DGAT2: variants seen among roughly 807,000 people sequenced by gnomAD.
The protein encoded by DGAT2 is acyl-CoA retinol O-fatty-acyltransferase.
DGAT2 carries 33 observed loss-of-function variants against 48.4 expected under a neutral mutation model. The ratio of observed to expected loss-of-function variants is 0.68; its 90% CI spans 0.52 to 0.91. DGAT2 has a LOEUF of 0.91. Ranked by LOEUF, DGAT2 falls within the 40% of genes least tolerant of loss-of-function variation. DGAT2 has a pLI of 0.00. For synonymous variants in DGAT2, 191 were observed against 194.1 expected, an observed-to-expected ratio of 0.98 and a Z score of 0.13; for missense variants, 446 against 493.7, an observed-to-expected ratio of 0.90 and a Z score of 0.92.
Position 75,800,494 on chromosome 11 carries a change from C to G in DGAT2, c.1153C>G (p.Leu385Val), listed in dbSNP as rs762743938. 7.3e-5 allele frequency: 118 copies of G among 1,613,964 alleles called. No homozygotes were observed. Among genetic ancestry groups the G allele is most frequent in the Non-Finnish European group, 9.6e-5 (113 of 1,179,992 alleles). ...GTTCGGCCTCCCGGAGACTGAGGTC[C>G]TGGAGGTGAACTGAGCCAGCCTTCG... ...TKFGLPETEV[L>V]EVN is the part of the protein sequence containing the mutation. Residue 385 changes from leucine to valine, a missense_variant, in exon 8 of 8, where the codon CTG becomes GTG. Leu to Val is a conservative substitution (Grantham distance 32). Transcript: ENST00000228027.
chr11:75,776,952 T>C (rs982186569), intron 1 of DGAT2: 52 of 152,348 alleles, frequency 3.4e-4, no homozygotes, highest in Admixed American at 3.4e-3. Flanking sequence ...CTCCTCATAA[T>C]ATACAACCTG....
At chr11:75,775,101 C>T (rs1408081590) in intron 1 of DGAT2, among the ~76,000 whole-genome samples, 8 of 152,210 alleles carry the variant, frequency 5.3e-5, no homozygotes, top group Admixed American at 2.0e-4. Flanking sequence ...TATTCCCTTT[C>T]GGGAGATCTT....
chr11:75,772,019 G>A (rs1268216692), intron 1 of DGAT2, among the ~76,000 whole-genome samples: 6 of 152,172 alleles, frequency 3.9e-5, no homozygotes, highest in African/African-American at 1.2e-4. Context: ...TCAAAGCCAG[G>A]CTAGAACTCA....
intron 1 of DGAT2, among the ~76,000 whole-genome samples, chr11:75,769,331 A>G (rs1231530559): frequency 1.3e-5 from 2 of 151,862 alleles, no homozygotes. Context: ...GTTATTAGGG[A>G]TATTCGAGAA....
At chr11:75,793,284 G>A (rs1945011400) in intron 4 of DGAT2, 1 of 152,242 alleles carries the variant, frequency 6.6e-6, no homozygotes, top group Admixed American at 6.5e-5. Context: ...AGTGTGACAT[G>A]AAAACAGATC....
chr11:75,795,145 C>T (rs1945036826), intron 4 of DGAT2: 1 of 152,056 alleles, frequency 6.6e-6, no homozygotes, highest in Admixed American at 6.6e-5. Flanking sequence ...CCACCTCAGC[C>T]TCCTGAGTAG....
At position 75,800,418 on chromosome 11, in the gene DGAT2, C is replaced by CA; in HGVS notation, c.1078dup (p.Thr360AsnfsTer24). On this transcript the variant is annotated frameshift_variant, in exon 8 of 8. Transcript: ENST00000228027. LOFTEE classifies it high-confidence loss of function. ...CCCAGCAAGACATCGACCTGTACCACACCATGTACATGGAGGCCCTGGTGA... is the reference window on the plus strand; with the variant it reads ...CCCAGCAAGACATCGACCTGTACCACAACCATGTACATGGAGGCCCTGGTGA... The CA allele has an allele frequency of 6.2e-7, 1 of 1,614,190 alleles. No individual in the cohort carries two copies. The highest frequency in any genetic ancestry group is 1.1e-5 in the South Asian group (1 of 91,080).
rs945517206 is a variant in DGAT2 at position 75,790,209 on chromosome 11, T to C, written c.272T>C (p.Leu91Pro). The C allele has an allele frequency of 6.2e-7, 1 of 1,613,694 alleles. No individual in the cohort carries two copies. Among genetic ancestry groups the C allele is most frequent in the African/African-American group, 1.3e-5 (1 of 74,916 alleles). Residue 91 changes from leucine to proline, a missense_variant, in exon 3 of 8, where the codon CTC (leucine) becomes CCC (proline). Physicochemically the swap from Leu to Pro is moderately conservative, Grantham distance 98. Transcript: ENST00000228027. ...CCAGGAGTGGCCTGCAGTGCCATCC[T>C]CATGTACATATTCTGCACTGATTGC... ...LVLGVACSAI[L>P]MYIFCTDCWL...
At position 75,797,340 on chromosome 11, in the gene DGAT2, C is replaced by T. The variant is rs1263417246; in HGVS notation, c.809+8C>T. On this transcript the variant is annotated splice_region_variant and intron_variant, in intron 6 of 7. Coordinates refer to ENST00000228027, the MANE Select transcript of DGAT2 (RefSeq NM_032564.5). ...ACTGGCCCTGCGTCATGGGTGAGTGCCTCCCTACACACACACACACCCCTC... is the reference window on the plus strand; with the variant it reads ...ACTGGCCCTGCGTCATGGGTGAGTGTCTCCCTACACACACACACACCCCTC... The T allele has an allele frequency of 2.0e-6, 3 of 1,467,786 alleles. No homozygotes were observed. Among genetic ancestry groups the T allele is most frequent in the African/African-American group, 1.4e-5 (1 of 69,496 alleles). The allele number at this position is 1,467,786 out of a possible 1,614,324, so 90.9% of individuals were successfully genotyped here.
In DGAT2 at chr11:75,784,659, TCTGTCAC is replaced by T. The variant is rs778402137; in HGVS notation, c.167_173del (p.Val56GlyfsTer88). ...CCTCTCCGCCCTCCAGGACCTCTTC[TCTGTCAC>T]CTGGCTCAATAGGTCCAAGGTGGAA... On this transcript the variant is annotated frameshift_variant, in exon 2 of 8. Coordinates refer to ENST00000228027, the MANE Select transcript of DGAT2 (RefSeq NM_032564.5). LOFTEE classifies it high-confidence loss of function. The T allele has an allele frequency of 6.2e-7, 1 of 1,614,098 alleles. No individual in the cohort carries two copies. Among genetic ancestry groups the T allele is most frequent in the Non-Finnish European group, 8.5e-7 (1 of 1,179,968 alleles).
chr11:75,786,433 ACCCCAAAGCTACCACTATCC>A (rs1033142567), intron 2 of DGAT2, among the ~76,000 whole-genome samples: 4 of 151,964 alleles, frequency 2.6e-5, no homozygotes, highest in Admixed American at 6.6e-5. Context: ...TCCCTGTTGC[ACCCCAAAGCTACCACTATCC>A]CTGTCTTAAT....
chr11:75,790,241 A>G lies in DGAT2; in HGVS notation c.304A>G (p.Ile102Val). ...MYIFCTDCWL[I>V]AVLYFTWLVF... ...CATATTCTGCACTGATTGCTGGCTC[A>G]TCGCTGTGCTCTACTTCACTTGGCT... The change falls in exon 3 of 8, where the codon ATC (isoleucine) becomes GTC (valine). Residue 102 changes from isoleucine (I) to valine (V), a missense_variant. Transcript: ENST00000228027. 6.2e-7 allele frequency: 1 copy of G among 1,614,182 alleles called. No individual in the cohort carries two copies. Among genetic ancestry groups the G allele is most frequent in the Non-Finnish European group, 8.5e-7 (1 of 1,180,040 alleles).
chr11:75,787,873 G>C (rs1250003736), intron 2 of DGAT2, among the ~76,000 whole-genome samples: 1 of 152,162 alleles, frequency 6.6e-6, no homozygotes, highest in Non-Finnish European at 1.5e-5. Context: ...GAGGGCTGTG[G>C]ACACATAGGG....
At chr11:75,791,658 C>T (rs1478382107) in intron 4 of DGAT2, among the ~76,000 whole-genome samples, 1 of 152,206 alleles carries the variant, frequency 6.6e-6, no homozygotes, top group African/African-American at 2.4e-5. Context: ...CTGCCTGTTT[C>T]TCTGGGAGAG....
Position 75,798,445 on chromosome 11 carries a change from G to A in DGAT2, c.1012+16G>A. On this transcript the variant is annotated intron_variant, in intron 7 of 7. Coordinates refer to ENST00000228027, the MANE Select transcript of DGAT2 (RefSeq NM_032564.5). ...ACCACTGTTGGTAAGCCCCTAGCCT[G>A]CAGACCAAGGGCTGTCCTGAACACA... The A allele has an allele frequency of 1.2e-6, 2 of 1,610,610 alleles. No individual in the cohort carries two copies. The highest frequency in any genetic ancestry group is 1.3e-5 in the African/African-American group (1 of 74,998).
In DGAT2 at chr11:75,784,631, C is replaced by T. The variant is rs762270771; in HGVS notation, c.135C>T (p.Ser45=). 1 of 1,613,986 alleles carries T rather than the reference C, an allele frequency of 6.2e-7. No individual in the cohort carries two copies. The change falls in exon 2 of 8, where the codon AGC becomes AGT. Residue 45 remains serine, a synonymous_variant. Coordinates refer to ENST00000228027, the MANE Select transcript of DGAT2 (RefSeq NM_032564.5). ...EGSGRWGTGS[S]ILSALQDLFS... is the part of the protein sequence containing the mutation. ...CCTCTGCTGTAGGCACTGGATCCAG[C>T]ATCCTCTCCGCCCTCCAGGACCTCT...
At position 75,783,213 on chromosome 11, in the gene DGAT2, TC is replaced by T. The variant is rs371885266; in HGVS notation, c.122-1404del. Among the ~76,000 whole-genome samples the T allele has an allele frequency of 1.6e-3, 236 of 152,114 alleles. 1 individual carries two copies. Among genetic ancestry groups the T allele is most frequent in the African/African-American group, 5.4e-3 (224 of 41,500 alleles). On this transcript the variant is annotated intron_variant, in intron 1 of 7. Transcript: ENST00000228027. ...GTGAACCCTGCAAGCTTGCCTGGGG[TC>T]ACATAGTGAGTAGAACCAAAGTCTG...
intron 1 of DGAT2, among the ~76,000 whole-genome samples, chr11:75,780,218 A>C (rs892098220): frequency 6.6e-6 from 1 of 152,182 alleles, no homozygotes. Flanking sequence ...ATCTGATTGC[A>C]GCATCGGCAT....
At chr11:75,798,087 G>A in intron 6 of DGAT2, 140 bp from the exon 7 acceptor site, 1 of 820,480 alleles carries the variant, frequency 1.2e-6, no homozygotes, top group South Asian at 1.6e-5. Flanking sequence ...GAGGGATCAT[G>A]TGAACTTGGG....
Sources: gnomAD v4.1 joint callset for allele counts (sites outside exome capture counted in the v4.1 genomes callset) on GRCh38, gnomAD v4.1.1 for gene constraint, MANE v1.5 for transcripts, NCBI Gene and HGNC (gene_info 2026-07-23, HGNC 2026-07-21) for gene names.